The following CACNA1G variants were observed in gnomAD, a reference collection of about 807,000 sequenced individuals.
CACNA1G encodes the protein voltage-dependent T-type calcium channel subunit alpha-1G.
A neutral mutation model predicts 219.4 loss-of-function variants in CACNA1G; 67 were observed. That is an observed-to-expected ratio of 0.31 (90% CI 0.25 to 0.37). CACNA1G has a LOEUF of 0.37. Among genes scored for constraint, CACNA1G ranks in the 10% least tolerant of loss-of-function variants. The pLI is 1.00. For synonymous variants in CACNA1G, 1,296 were observed against 1,345.3 expected (o/e 0.96, Z 0.80); for missense variants, 2,380 against 3,231.4 (o/e 0.74, Z 6.39).
chr17:50,602,909 C>A (rs756870631), intron 20 of CACNA1G, 21 bp downstream of exon 20: 1 of 1,611,852 alleles, frequency 6.2e-7, no homozygotes, highest in East Asian at 2.2e-5. Flanking sequence ...CTGGTGTTGG[C>A]TTGGGACCTC....
chr17:50,603,284 G>A lies in CACNA1G; in HGVS notation c.4169+85G>A, dbSNP rs1032251637. The A allele has an allele frequency of 6.6e-5, 83 of 1,259,014 alleles. No individual in the cohort carries two copies. The highest frequency in any genetic ancestry group is 8.6e-5 in the Non-Finnish European group (78 of 905,262). 78.0% of individuals were successfully genotyped at this position (1,259,014 alleles called of 1,614,324 possible). On this transcript the variant is annotated intron_variant, in intron 21 of 37. Transcript: ENST00000359106. This position sits in a 1 kb window ranked among gnomAD's most constrained non-coding sequence, Gnocchi z 6.4. ...TCCCACCGCCAGCACTCCCTGCCACGAAACAAAAGCCTGCACAGGCCAGCA... is the reference window on the plus strand; with the variant it reads ...TCCCACCGCCAGCACTCCCTGCCACAAAACAAAAGCCTGCACAGGCCAGCA...
In CACNA1G at chr17:50,621,030, G is replaced by A. The variant is rs143275531; in HGVS notation, c.5926-630G>A. Among the ~76,000 whole-genome samples the A allele has an allele frequency of 1.6e-3, 247 of 152,316 alleles. 1 individual carries two copies. Among genetic ancestry groups the A allele is most frequent in the African/African-American group, 5.8e-3 (241 of 41,574 alleles). On this transcript the variant is annotated intron_variant, in intron 34 of 37. Transcript: ENST00000359106. This position sits in a 1 kb window ranked among gnomAD's most constrained non-coding sequence, Gnocchi z 4.6. ...CCGAGTGCGCCCACTTCAGGCTAACGGGAGAACATCTCCCAGAGCCCAAGT... is the reference window on the plus strand; with the variant it reads ...CCGAGTGCGCCCACTTCAGGCTAACAGGAGAACATCTCCCAGAGCCCAAGT...
At position 50,591,435 on chromosome 17, in the gene CACNA1G, C is replaced by T. The variant is rs746536941; in HGVS notation, c.2454C>T (p.Ser818=). Residue 818 remains serine, a splice_region_variant and synonymous_variant, in exon 11 of 38, where the codon AGC becomes AGT. Transcript: ENST00000359106. Reference sequence around the variant, plus strand: ...CTCAGGCTGCCTGCCCCCTTTGCAGCGTGTGGGAGATCGTGGGCCAGCAGG... The same window carrying T: ...CTCAGGCTGCCTGCCCCCTTTGCAGTGTGTGGGAGATCGTGGGCCAGCAGG... ...NIFDGVIVVI[S]VWEIVGQQGG... is the part of the protein sequence containing the mutation. 3.9e-5 allele frequency: 61 copies of T among 1,562,824 alleles called. No homozygotes were observed. In the African/African-American group the frequency reaches 6.9e-4, roughly 18 times the overall value.
intron 35 of CACNA1G, among the ~76,000 whole-genome samples, chr17:50,622,152 C>T (rs1462117971): frequency 6.6e-6 from 1 of 151,890 alleles, no homozygotes; most frequent in South Asian, 2.1e-4. Flanking sequence ...CAAGCCAGCC[C>T]TCCCTGTGCC....
rs2040465691 is a variant in CACNA1G, at chr17:50,575,524, C to A, written c.1141-19C>A. 1 of 1,591,338 alleles carries A rather than the reference C, an allele frequency of 6.3e-7. No homozygotes were observed. The highest frequency in any genetic ancestry group is 1.3e-5 in the African/African-American group (1 of 74,336). On this transcript the variant is annotated intron_variant, in intron 7 of 37. Transcript: ENST00000359106. ...ACTTTTCTTCAGGACATTTCCTCTT[C>A]CTGTCCCCACCCCTACAGGTGGGCT...
chr17:50,569,307 C>A lies in CACNA1G; in HGVS notation c.488+9C>A. ...TTCATCGTCATCGCAGGGTGAGGAC[C>A]TGGGCTGGGGTGGGAGAGCAATGGA... On this transcript the variant is annotated intron_variant, in intron 3 of 37. Transcript: ENST00000359106. The A allele has an allele frequency of 6.2e-7, 1 of 1,613,218 alleles. No homozygotes were observed. The highest frequency in any genetic ancestry group is 1.3e-5 in the African/African-American group (1 of 74,930).
intron 28 of CACNA1G, among the ~76,000 whole-genome samples, chr17:50,616,897 G>A (rs968861719): frequency 6.6e-6 from 1 of 152,202 alleles, no homozygotes; most frequent in South Asian, 2.1e-4. Context: ...CTGGAGTGCA[G>A]CAGCTCAGTC....
chr17:50,563,058 G>A (rs111418828), intron 1 of CACNA1G: 12,476 of 152,394 alleles, frequency 0.082, 563 homozygotes, highest in Non-Finnish European at 0.11. Context: ...CTCCCTTGTA[G>A]CCCCTGTGAG....
In CACNA1G at chr17:50,594,977, C is replaced by T. The variant is rs1427261320; in HGVS notation, c.2911-16C>T. On this transcript the variant is annotated splice_polypyrimidine_tract_variant and intron_variant, in intron 13 of 37. Coordinates refer to ENST00000359106, the MANE Select transcript of CACNA1G (RefSeq NM_018896.5). ...TGTGACCAGCAGCCCTCCCCTGCCT[C>T]CCCCTTTCCCTGTAGGAAATCAGCA... The T allele has an allele frequency of 7.1e-6, 11 of 1,551,378 alleles. No homozygotes were observed. The highest frequency in any genetic ancestry group is 9.6e-6 in the Non-Finnish European group (11 of 1,146,848).
chr17:50,615,523 G>A lies in CACNA1G; in HGVS notation c.4911+11G>A, dbSNP rs753306703. On this transcript the variant is annotated intron_variant, in intron 27 of 37. Coordinates refer to ENST00000359106, the MANE Select transcript of CACNA1G (RefSeq NM_018896.5). The stretch of plus-strand genomic sequence containing the variant: ...TACCAGCAGCCCCAGGTAGGAGCGA[G>A]TGGACCAGCCATCTGGCCCCCCCAC... 2 of 1,611,024 alleles carry A rather than the reference G, an allele frequency of 1.2e-6. No individual in the cohort carries two copies. The highest frequency in any genetic ancestry group is 8.5e-7 in the Non-Finnish European group (1 of 1,177,930).
At chr17:50,609,756 C>A in intron 25 of CACNA1G, 126 bp from the exon 26 acceptor site, 1 of 734,226 alleles carries the variant, frequency 1.4e-6, no homozygotes, top group Non-Finnish European at 2.2e-6. Context: ...GCCAGCCACC[C>A]AATGGGCTCA....
At chr17:50,622,093 G>A (rs531369194) in intron 35 of CACNA1G, among the ~76,000 whole-genome samples, 30 of 152,244 alleles carry the variant, frequency 2.0e-4, no homozygotes, top group Non-Finnish European at 3.5e-4. Flanking sequence ...GAGTGACACG[G>A]CCCAAAACAG....
In CACNA1G at chr17:50,596,949, ATGG is replaced by A. The variant is rs1024521560; in HGVS notation, c.3258+30_3258+32del. ...GTAGGGGGTGCATGTGGGTACCCTGATGGTGGGAGATATTCCAAGGAGGACAGG... is the reference window on the plus strand; with the variant it reads ...GTAGGGGGTGCATGTGGGTACCCTGATGGGAGATATTCCAAGGAGGACAGG... On this transcript the variant is annotated intron_variant, in intron 16 of 37. Transcript: ENST00000359106. The surrounding 1 kb of genome is among the most constrained non-coding windows in gnomAD (Gnocchi z 4.8). 2.7e-6 allele frequency: 4 copies of A among 1,495,504 alleles called. No individual in the cohort carries two copies. The African/African-American group carries it at 5.6e-5, about 21-fold the overall frequency. The allele number at this position is 1,495,504 out of a possible 1,614,324, so 92.6% of individuals were successfully genotyped here.
chr17:50,578,645 T>A lies in CACNA1G; in HGVS notation c.2301+81T>A. On this transcript the variant is annotated intron_variant, in intron 9 of 37. Transcript: ENST00000359106. The surrounding 1 kb of genome is among the most constrained non-coding windows in gnomAD (Gnocchi z 4.5). Reference sequence around the variant, plus strand: ...GGCCTTCTACCTCCCTCCGCACCCCTCCTCCTGAGCTCAGCTTCCTCTCCA... The same window carrying A: ...GGCCTTCTACCTCCCTCCGCACCCCACCTCCTGAGCTCAGCTTCCTCTCCA... 7.2e-7 allele frequency: 1 copy of A among 1,382,696 alleles called. No homozygotes were observed. The highest frequency in any genetic ancestry group is 9.7e-7 in the Non-Finnish European group (1 of 1,030,358). The allele number at this position is 1,382,696 out of a possible 1,614,324, so 85.7% of individuals were successfully genotyped here.
At chr17:50,619,340 T>C (rs1031589014) in intron 33 of CACNA1G, among the ~76,000 whole-genome samples, 3 of 152,110 alleles carry the variant, frequency 2.0e-5, no homozygotes, top group African/African-American at 7.2e-5. Context: ...CTGCCAAATC[T>C]CTTTCCTACC....
In CACNA1G at chr17:50,561,442, G is replaced by T. The variant is rs1244463372; in HGVS notation, c.-18G>T. The stretch of plus-strand genomic sequence containing the variant: ...CTTGCCCCTCTCCGGATCGCCCGGG[G>T]CCCCGGCTGGCCAGAGGATGGACGA... On this transcript the variant is annotated 5_prime_UTR_variant, in exon 1 of 38. Coordinates refer to ENST00000359106, the MANE Select transcript of CACNA1G (RefSeq NM_018896.5). 8 of 1,533,486 alleles carry T rather than the reference G, an allele frequency of 5.2e-6. No individual in the cohort carries two copies. Among genetic ancestry groups the T allele is most frequent in the Non-Finnish European group, 6.1e-6 (7 of 1,146,462 alleles). The allele number at this position is 1,533,486 out of a possible 1,614,324, so 95.0% of individuals were successfully genotyped here.
chr17:50,625,884 T>C, intron 37 of CACNA1G, 133 bp from the exon 38 acceptor site: 3 of 944,972 alleles, frequency 3.2e-6, no homozygotes, highest in Non-Finnish European at 4.8e-6. Flanking sequence ...TAAGAGCGGC[T>C]ACCAGGACCT....
rs376524511 is a variant in CACNA1G, at chr17:50,587,765, T to A, written c.2302-2706T>A. On this transcript the variant is annotated intron_variant, in intron 9 of 37. Coordinates refer to ENST00000359106, the MANE Select transcript of CACNA1G (RefSeq NM_018896.5). ...GCAAAACAGGGGTTCCAGCCTTTGC[T>A]GGCACAGCCCTTGACAAAGTTCAAT... 4.7e-4 allele frequency among the ~76,000 whole-genome samples: 72 copies of A among 152,082 alleles called. 2 individuals are homozygous for A. Among genetic ancestry groups the A allele is most frequent in the African/African-American group, 1.6e-3 (65 of 41,394 alleles).
chr17:50,624,324 T>TCCCCCCCCCCCCCCCCCCCGTCCCCCC, intron 36 of CACNA1G, 36 bp from the exon 37 acceptor site: 1 of 1,177,664 alleles, frequency 8.5e-7, no homozygotes, highest in Non-Finnish European at 1.2e-6. Flanking sequence ...CTCCATTCTC[T>TCCCCCCCCCCCCCCCCCCCGTCCCCCC]CCCCCCACCC....
Sources: gnomAD v4.1 joint callset for allele counts (sites outside exome capture counted in the v4.1 genomes callset) on GRCh38, gnomAD v4.1.1 for gene constraint, Gnocchi (gnomAD v3.1) non-coding constraint, MANE v1.5 for transcripts, NCBI Gene and HGNC (gene_info 2026-07-23, HGNC 2026-07-21) for gene names.